Variants in NALCN observed in about 807,000 individuals in gnomAD.
NALCN encodes sodium leak channel NALCN.
Under a neutral mutation model 225.3 loss-of-function variants are expected in NALCN, and 111 were observed. That is an observed-to-expected ratio of 0.49 (90% CI 0.42 to 0.58). The LOEUF is 0.58. Ranked by LOEUF, NALCN falls within the 20% of genes least tolerant of loss-of-function variation. The pLI, the probability that NALCN is intolerant of heterozygous loss-of-function variation, is 0.00. For synonymous variants in NALCN, 764 were observed against 769.0 expected (o/e 0.99, Z 0.11); for missense variants, 1,378 against 2,202.4 (o/e 0.63, Z 7.49).
At position 101,104,212 on chromosome 13, in the gene NALCN, T is replaced by C. The variant is rs2034978108; in HGVS notation, c.2889+83A>G. ...AGGGAATCTAAGCCTCTGTAACTCA[T>C]ACCTCTTGCGCTTATACCAAGAAAT... On this transcript the variant is annotated intron_variant, in intron 25 of 43. Transcript: ENST00000251127. This position sits in a 1 kb window ranked among gnomAD's most constrained non-coding sequence, Gnocchi z 4.2. The C allele has an allele frequency of 1.3e-6, 2 of 1,497,878 alleles. No individual in the cohort carries two copies. The highest frequency in any genetic ancestry group is 1.8e-6 in the Non-Finnish European group (2 of 1,118,284). 92.8% of individuals were successfully genotyped at this position (1,497,878 alleles called of 1,614,324 possible).
intron 11 of NALCN, among the ~76,000 whole-genome samples, chr13:101,250,424 G>A (rs1309544008): frequency 6.6e-6 from 1 of 152,032 alleles, no homozygotes; most frequent in African/African-American, 2.4e-5. Context: ...CTAAAGCTTT[G>A]ATGTATAGAC....
intron 3 of NALCN, among the ~76,000 whole-genome samples, chr13:101,394,773 C>G (rs2047236605): frequency 6.6e-6 from 1 of 151,758 alleles, no homozygotes; most frequent in Non-Finnish European, 1.5e-5. Flanking sequence ...TGACATCGTG[C>G]TGCAATAATA....
intron 13 of NALCN, among the ~76,000 whole-genome samples, chr13:101,208,195 G>A (rs957851452): frequency 1.6e-4 from 24 of 151,636 alleles, no homozygotes; most frequent in Admixed American, 1.4e-3. Context: ...AACCCACCAG[G>A]AGGGACAAAG....
intron 7 of NALCN, among the ~76,000 whole-genome samples, chr13:101,319,427 G>A (rs2044668086): frequency 6.6e-6 from 1 of 152,116 alleles, no homozygotes; most frequent in Non-Finnish European, 1.5e-5. Flanking sequence ...ACTTCTGAAA[G>A]ATGAAACCTT....
chr13:101,176,098 C>T (rs1390238879), intron 15 of NALCN, among the ~76,000 whole-genome samples: 1 of 152,100 alleles, frequency 6.6e-6, no homozygotes, highest in African/African-American at 2.4e-5. Flanking sequence ...TAAAACTATT[C>T]CTAGGATATT....
intron 39 of NALCN, among the ~76,000 whole-genome samples, chr13:101,067,324 AGGAGGGGGAAGAAG>A: frequency 1.7e-5 from 1 of 58,742 alleles, no homozygotes; most frequent in African/African-American, 7.8e-5. Flanking sequence ...GAGGGGGAAG[AGGAGGGGGAAGAAG>A]AGGGGGTAGA....
chr13:101,204,237 T>C (rs1312908624), intron 13 of NALCN, among the ~76,000 whole-genome samples: 1 of 152,218 alleles, frequency 6.6e-6, no homozygotes, highest in Non-Finnish European at 1.5e-5. Flanking sequence ...TGTAAAATAA[T>C]TCCTTATTCC....
At chr13:101,186,301 C>T (rs1157275257) in intron 14 of NALCN, among the ~76,000 whole-genome samples, 2 of 152,148 alleles carry the variant, frequency 1.3e-5, no homozygotes, top group Admixed American at 6.5e-5. Context: ...TGTCTGTGTT[C>T]GTTATTGCTA....
At chr13:101,205,790 A>G (rs1376448425) in intron 13 of NALCN, among the ~76,000 whole-genome samples, 1 of 152,104 alleles carries the variant, frequency 6.6e-6, no homozygotes, top group Non-Finnish European at 1.5e-5. Flanking sequence ...TTGTACATGA[A>G]ATTGATATTT....
chr13:101,368,115 T>C (rs2046430522), intron 6 of NALCN, among the ~76,000 whole-genome samples: 1 of 150,964 alleles, frequency 6.6e-6, no homozygotes. Context: ...AACTCATCAT[T>C]TAGCATTAGG....
At chr13:101,142,814 A>G in intron 17 of NALCN, 1 of 433,458 alleles carries the variant, frequency 2.3e-6, no homozygotes, top group Non-Finnish European at 4.3e-6. Flanking sequence ...CGCACCTGAG[A>G]AAATGCAGAT....
chr13:101,129,396 A>ATT (rs2036401353), intron 17 of NALCN, among the ~76,000 whole-genome samples: 1 of 152,192 alleles, frequency 6.6e-6, no homozygotes, highest in African/African-American at 2.4e-5. Flanking sequence ...ACTGTTAGTC[A>ATT]AATTATCTCT....
chr13:101,150,583 C>A (rs192280196), intron 15 of NALCN, among the ~76,000 whole-genome samples: 2 of 152,214 alleles, frequency 1.3e-5, no homozygotes, highest in East Asian at 1.9e-4. Context: ...GACCATGATA[C>A]ACAAAGTATT....
chr13:101,249,414 C>G (rs2041997245), intron 11 of NALCN, among the ~76,000 whole-genome samples: 1 of 152,124 alleles, frequency 6.6e-6, no homozygotes, highest in Non-Finnish European at 1.5e-5. Context: ...AAAAATATGT[C>G]TATTCCATTT....
intron 7 of NALCN, among the ~76,000 whole-genome samples, chr13:101,296,026 C>T (rs373309335): frequency 3.7e-4 from 56 of 152,322 alleles, no homozygotes; most frequent in African/African-American, 1.3e-3. Context: ...GCTGGCCCTG[C>T]ACTGCTTCCC....
intron 13 of NALCN, among the ~76,000 whole-genome samples, chr13:101,207,268 G>A (rs1249988379): frequency 2.0e-5 from 3 of 152,108 alleles, no homozygotes; most frequent in African/African-American, 7.2e-5. Context: ...GTGCATTGTT[G>A]ATAACAAAAA....
intron 3 of NALCN, among the ~76,000 whole-genome samples, chr13:101,380,965 T>C (rs906010371): frequency 1.3e-5 from 2 of 151,908 alleles, no homozygotes; most frequent in Non-Finnish European, 2.9e-5. Context: ...CCAGCTAGTA[T>C]ATAAAGCAAA....
At chr13:101,312,909 T>C (rs2390620) in intron 7 of NALCN, among the ~76,000 whole-genome samples, 61,859 of 151,972 alleles carry the variant, frequency 0.41, 12,969 homozygotes, top group Middle Eastern at 0.47. Context: ...GCTGCAGGCA[T>C]CAAGCTACCT....
At chr13:101,228,243 A>G (rs1049808551) in intron 13 of NALCN, among the ~76,000 whole-genome samples, 4 of 152,216 alleles carry the variant, frequency 2.6e-5, no homozygotes, top group African/African-American at 7.2e-5. Context: ...TTAGCATAGG[A>G]TTTTTAAAAA....
Sources: allele counts gnomAD v4.1 joint callset (sites outside exome capture counted in the v4.1 genomes callset), GRCh38; gene constraint gnomAD v4.1.1; non-coding constraint Gnocchi (gnomAD v3.1); transcripts MANE v1.5; gene names NCBI Gene and HGNC (gene_info 2026-07-23, HGNC 2026-07-21).